Variants in ZMYM1 observed in about 807,000 individuals in gnomAD.
ZMYM1 encodes the protein zinc finger MYM-type protein 1.
ZMYM1 carries 39 observed loss-of-function variants against 60.0 expected under a neutral mutation model. The observed-to-expected ratio is 0.65, with a 90% confidence interval of 0.50 to 0.85. The LOEUF is 0.85. Ranked by LOEUF, ZMYM1 falls within the 40% of genes least tolerant of loss-of-function variation. The probability of loss-of-function intolerance (pLI) is 0.00; values close to 1 mark genes in which losing one functional copy is unlikely to be tolerated. For missense variants in ZMYM1, 1,171 were observed against 1,309.5 expected, an observed-to-expected ratio of 0.89 and a Z score of 1.63; for synonymous variants, 413 against 454.0, an observed-to-expected ratio of 0.91 and a Z score of 1.15.
At chr1:35,102,168 G>A (rs762888145) in intron 4 of ZMYM1, among the ~76,000 whole-genome samples, 1 of 151,998 alleles carries the variant, frequency 6.6e-6, no homozygotes, top group African/African-American at 2.4e-5. Flanking sequence ...GAAAAGGGGG[G>A]AGTGTTTTAG....
At chr1:35,080,763 A>G (rs961184973) in intron 1 of ZMYM1, among the ~76,000 whole-genome samples, 5 of 151,784 alleles carry the variant, frequency 3.3e-5, no homozygotes, top group African/African-American at 1.2e-4. Flanking sequence ...GTATATACTT[A>G]CTGGTTGGGA....
At chr1:35,100,489 G>A (rs771609566) in intron 4 of ZMYM1, among the ~76,000 whole-genome samples, 3 of 151,874 alleles carry the variant, frequency 2.0e-5, no homozygotes, top group Non-Finnish European at 2.9e-5. Flanking sequence ...AGGCGTGGTG[G>A]TGTGTGCCTG....
chr1:35,109,361 T>C (rs1231348658), intron 6 of ZMYM1, among the ~76,000 whole-genome samples: 1 of 152,142 alleles, frequency 6.6e-6, no homozygotes, highest in African/African-American at 2.4e-5. Flanking sequence ...GGAATATTGG[T>C]TCCTGTTTGA....
In ZMYM1 at chr1:35,113,133, G is replaced by T; in HGVS notation, c.1303G>T (p.Asp435Tyr). The stretch of plus-strand genomic sequence containing the variant: ...CAATATGAAATCTATGAAAATAAGT[G>T]ATGAACTATGTCACCCAAAATGTAC... The part of the protein sequence containing the change: ...KDNMKSMKIS[D>Y]ELCHPKCTSK... Residue 435 changes from aspartate (D) to tyrosine (Y), a missense_variant, in exon 10 of 10, where the codon GAT becomes TAT. By Grantham distance (160) the Asp-to-Tyr change is radical. Transcript: ENST00000359858. The T allele has an allele frequency of 6.2e-7, 1 of 1,613,944 alleles. No individual in the cohort carries two copies. The highest frequency in any genetic ancestry group is 8.5e-7 in the Non-Finnish European group (1 of 1,179,944).
At chr1:35,061,177 G>A (rs1283931874) in intron 1 of ZMYM1, among the ~76,000 whole-genome samples, 1 of 152,166 alleles carries the variant, frequency 6.6e-6, no homozygotes, top group Non-Finnish European at 1.5e-5. Flanking sequence ...AGAAGGCTCT[G>A]GGACACTAGA....
At chr1:35,118,706 CA>C (rs918878147), downstream of ZMYM1, among the ~76,000 whole-genome samples, 7 of 148,642 alleles carry the variant, frequency 4.7e-5, no homozygotes, top group South Asian at 2.1e-4. Flanking sequence ...GACTCCATCT[CA>C]AAAAAAAAAT....
chr1:35,116,910 CTCCGCTCA>C (rs1644255451), downstream of ZMYM1, among the ~76,000 whole-genome samples: 1 of 120,278 alleles, frequency 8.3e-6, no homozygotes, highest in African/African-American at 3.2e-5. Context: ...GTGGCGCGAT[CTCCGCTCA>C]CTGCAAGCTC....
At chr1:35,096,690 C>T (rs1247800936) in intron 3 of ZMYM1, among the ~76,000 whole-genome samples, 1 of 152,106 alleles carries the variant, frequency 6.6e-6, no homozygotes, top group Non-Finnish European at 1.5e-5. Flanking sequence ...CGTGCCACCA[C>T]ACCCAGATAA....
intron 4 of ZMYM1, among the ~76,000 whole-genome samples, chr1:35,098,823 C>A (rs1367180443): frequency 6.6e-6 from 1 of 151,996 alleles, no homozygotes; most frequent in Non-Finnish European, 1.5e-5. Context: ...AGGACAATTG[C>A]TTGAACCCGG....
chr1:35,071,287 G>T lies in ZMYM1; in HGVS notation c.-300-7707G>T, dbSNP rs1253756769. Among the ~76,000 whole-genome samples, 4 of 152,030 alleles carry T rather than the reference G, an allele frequency of 2.6e-5. No individual in the cohort carries two copies. In the East Asian group the frequency reaches 5.8e-4, roughly 22 times the overall value. On this transcript the variant is annotated intron_variant, in intron 1 of 10. Transcript: ENST00000417119. Reference sequence around the variant, plus strand: ...CTTGTTCGTGGTGAATGATATTTTTGATGTGCTTTTGAATTTAGTTTGCTG... The same window carrying T: ...CTTGTTCGTGGTGAATGATATTTTTTATGTGCTTTTGAATTTAGTTTGCTG...
chr1:35,078,785 G>A (rs1642224782), upstream of ZMYM1, among the ~76,000 whole-genome samples: 1 of 151,904 alleles, frequency 6.6e-6, no homozygotes, highest in Non-Finnish European at 1.5e-5. Context: ...CTGAACTCAA[G>A]CAGTCCACCC....
chr1:35,099,229 G>A (rs1309900116), intron 4 of ZMYM1, among the ~76,000 whole-genome samples: 1 of 152,114 alleles, frequency 6.6e-6, no homozygotes, highest in Non-Finnish European at 1.5e-5. Flanking sequence ...TTATTCCATG[G>A]CACGTTACTT....
chr1:35,073,952 C>G (rs1363740441), intron 1 of ZMYM1, among the ~76,000 whole-genome samples: 1 of 152,034 alleles, frequency 6.6e-6, no homozygotes, highest in African/African-American at 2.4e-5. Context: ...CCCAGCTAAT[C>G]TTTTTCTGTA....
chr1:35,114,441 G>A lies in ZMYM1; in HGVS notation c.2611G>A (p.Val871Ile), dbSNP rs1378168255. 2.5e-6 allele frequency: 4 copies of A among 1,613,428 alleles called. No homozygotes were observed. Among genetic ancestry groups the A allele is most frequent in the African/African-American group, 1.3e-5 (1 of 75,028 alleles). Residue 871 changes from valine to isoleucine, a missense_variant, in exon 10 of 10, where the codon GTT becomes ATT. Coordinates refer to ENST00000359858, the MANE Select transcript of ZMYM1 (RefSeq NM_024772.5). ...CLKFLYRVLS[V>I]TGILSKELQN... ...GAAATTCCTGTATCGAGTGCTGAGT[G>A]TTACAGGAATTCTTTCCAAAGAGCT...
chr1:35,094,542 G>A (rs180791654), intron 2 of ZMYM1, among the ~76,000 whole-genome samples: 231 of 152,208 alleles, frequency 1.5e-3, no homozygotes, highest in African/African-American at 5.3e-3. Flanking sequence ...GTTTAAGTAG[G>A]GAAAACATTC....
chr1:35,085,204 C>T (rs969331626), intron 1 of ZMYM1, among the ~76,000 whole-genome samples: 1 of 151,952 alleles, frequency 6.6e-6, no homozygotes, highest in Non-Finnish European at 1.5e-5. Flanking sequence ...CCCACTACCA[C>T]GCCTGGCTAA....
At chr1:35,117,200 A>G (rs955488067), downstream of ZMYM1, among the ~76,000 whole-genome samples, 6 of 150,416 alleles carry the variant, frequency 4.0e-5, no homozygotes, top group African/African-American at 1.2e-4. Context: ...CCTCTCATCA[A>G]TTTTGATAAC....
intron 6 of ZMYM1, among the ~76,000 whole-genome samples, chr1:35,106,289 C>T (rs1643886786): frequency 6.6e-6 from 1 of 152,042 alleles, no homozygotes. Context: ...TGAGACCCAA[C>T]TCTATCCCTA....
rs371526125 is a variant in ZMYM1, at chr1:35,112,856, CT to C, written c.1147-120del. On this transcript the variant is annotated intron_variant, in intron 9 of 9. Coordinates refer to ENST00000359858, the MANE Select transcript of ZMYM1 (RefSeq NM_024772.5). ...TATACGTAATTGTTAACGTTTCCCCCTAGTGGAGCTCATACTGTAACTCAGC... is the reference window on the plus strand; with the variant it reads ...TATACGTAATTGTTAACGTTTCCCCCAGTGGAGCTCATACTGTAACTCAGC... 4.9e-5 allele frequency: 41 copies of C among 829,646 alleles called. No individual in the cohort carries two copies. In the East Asian group the frequency reaches 1.0e-3, roughly 20 times the overall value. The allele number at this position is 829,646 out of a possible 1,614,324, so 51.4% of individuals were successfully genotyped here.
Sources: allele counts gnomAD v4.1 joint callset (sites outside exome capture counted in the v4.1 genomes callset), GRCh38; gene constraint gnomAD v4.1.1; transcripts MANE v1.5; gene names NCBI Gene and HGNC (gene_info 2026-07-23, HGNC 2026-07-21).